The following PIEZO2 variants were observed in gnomAD, a reference collection of about 807,000 sequenced individuals.
The protein encoded by PIEZO2 is piezo-type mechanosensitive ion channel component 2.
In PIEZO2, 172 loss-of-function variants were observed where a neutral mutation model predicts 337.3. The observed-to-expected ratio is 0.51, with a 90% CI of 0.45 to 0.58. The LOEUF is 0.58. PIEZO2 is among the 20% of genes least tolerant of loss of function. The pLI is 0.00. For synonymous variants in PIEZO2, 1,251 were observed against 1,228.5 expected, an observed-to-expected ratio of 1.02 and a Z score of -0.38; for missense variants, 3,028 against 3,391.3, an observed-to-expected ratio of 0.89 and a Z score of 2.66.
At chr18:10,860,775 T>G (rs2041851271) in intron 5 of PIEZO2, among the ~76,000 whole-genome samples, 1 of 152,250 alleles carries the variant, frequency 6.6e-6, no homozygotes, top group South Asian at 2.1e-4. Flanking sequence ...CGGATGTAGA[T>G]TAAATCAAAT....
In PIEZO2 at chr18:10,794,812, C is replaced by G. The variant is rs1363735070; in HGVS notation, c.1718G>C (p.Gly573Ala). The G allele has an allele frequency of 4.6e-6, 7 of 1,536,004 alleles. No homozygotes were observed. The South Asian group carries it at 8.4e-5, about 18-fold the overall frequency. The change falls in exon 13 of 56, where the codon GGA (glycine) becomes GCA (alanine). Residue 573 changes from glycine to alanine, a missense_variant. By Grantham distance (60) the Gly-to-Ala change is moderately conservative (BLOSUM62 0). Around this residue, in one of 5 missense-constraint regions of PIEZO2, gnomAD observed 1,925 missense variants for 2,051.9 expected, o/e 0.94. Transcript: ENST00000674853. This position sits in a 1 kb window ranked among gnomAD's most constrained non-coding sequence, Gnocchi z 6.6. ...TCCTGGCTCTTTCTTTTCTAAAAAT[C>G]CTGGAACTTTTTTAATTTCAGGAAG... ...FELPEIKKVPGFLEKKEPGEL... is the reference protein window; with the variant it reads ...FELPEIKKVPAFLEKKEPGEL...
rs992845869 is a variant in PIEZO2 at position 11,129,954 on chromosome 18, T to C, written c.64+18571A>G. On this transcript the variant is annotated intron_variant, in intron 1 of 55. Transcript: ENST00000674853. The surrounding 1 kb of genome is among the most constrained non-coding windows in gnomAD (Gnocchi z 4.6). ...CCAATGCCAGAATGCATAATTGACA[T>C]AGACATACTCAGCAGCTGGCAGAAC... is the stretch of plus-strand genomic sequence containing the variant. Among the ~76,000 whole-genome samples the C allele has an allele frequency of 7.2e-5, 11 of 152,132 alleles. No individual in the cohort carries two copies. The highest frequency in any genetic ancestry group is 1.9e-4 in the African/African-American group (8 of 41,442).
chr18:10,701,461 G>C (rs557100806), intron 43 of PIEZO2, among the ~76,000 whole-genome samples: 1 of 152,276 alleles, frequency 6.6e-6, no homozygotes, highest in African/African-American at 2.4e-5. Context: ...GGTTTTACTG[G>C]GCAACTTTAA....
intron 2 of PIEZO2, among the ~76,000 whole-genome samples, chr18:10,986,593 T>C (rs2034880299): frequency 6.6e-6 from 1 of 151,902 alleles, no homozygotes; most frequent in Non-Finnish European, 1.5e-5. Context: ...ACGAAAACCA[T>C]ATATTATAAT....
intron 2 of PIEZO2, among the ~76,000 whole-genome samples, chr18:11,030,775 A>G (rs968105353): frequency 6.6e-6 from 1 of 152,214 alleles, no homozygotes; most frequent in African/African-American, 2.4e-5. Context: ...TTGAGACGGC[A>G]AAGTGCATCT....
At position 10,870,927 on chromosome 18, in the gene PIEZO2, C is replaced by T. The variant is rs923095369; in HGVS notation, c.492+326G>A. On this transcript the variant is annotated intron_variant, in intron 5 of 55. Coordinates refer to ENST00000674853, the MANE Select transcript of PIEZO2 (RefSeq NM_001378183.1). The surrounding 1 kb of genome is among the most constrained non-coding windows in gnomAD (Gnocchi z 5.3). ...TTCTGCAATAACTAAGGTACCCAGA[C>T]CAATTGAACCATAACACTATGTATG... Among the ~76,000 whole-genome samples the T allele has an allele frequency of 1.3e-5, 2 of 152,026 alleles. No homozygotes were observed. The highest frequency in any genetic ancestry group is 2.9e-5 in the Non-Finnish European group (2 of 68,022).
In PIEZO2 at chr18:10,724,396, C is replaced by T. The variant is rs1188195408; in HGVS notation, c.5030-6137G>A. Among the ~76,000 whole-genome samples the T allele has an allele frequency of 2.0e-5, 3 of 152,142 alleles. No individual in the cohort carries two copies. The highest frequency in any genetic ancestry group is 4.8e-5 in the African/African-American group (2 of 41,440). The stretch of plus-strand genomic sequence containing the variant: ...CGAAAACAAAAGTGCTTTCTCCTGG[C>T]CCAGCATACTTGGGTGAAGTCTGCT... On this transcript the variant is annotated intron_variant, in intron 36 of 55. Coordinates refer to ENST00000674853, the MANE Select transcript of PIEZO2 (RefSeq NM_001378183.1). This position sits in a 1 kb window ranked among gnomAD's most constrained non-coding sequence, Gnocchi z 5.8.
intron 2 of PIEZO2, among the ~76,000 whole-genome samples, chr18:11,013,116 C>T (rs989356843): frequency 3.3e-5 from 5 of 152,134 alleles, no homozygotes; most frequent in African/African-American, 1.2e-4. Flanking sequence ...TTCCCAGAAC[C>T]TGTGAATATG....
At position 10,727,574 on chromosome 18, in the gene PIEZO2, G is replaced by A. The variant is rs1317817609; in HGVS notation, c.5029+3833C>T. On this transcript the variant is annotated intron_variant, in intron 36 of 55. Transcript: ENST00000674853. This position sits in a 1 kb window ranked among gnomAD's most constrained non-coding sequence, Gnocchi z 6.3. ...CAGCTCCTGAAGGTTCCATGGCAGGGAACAAGACACTCCTTCTGGAAGGCA... is the reference window on the plus strand; with the variant it reads ...CAGCTCCTGAAGGTTCCATGGCAGGAAACAAGACACTCCTTCTGGAAGGCA... 1 of 152,610 alleles carries A rather than the reference G, an allele frequency of 6.6e-6. No individual in the cohort carries two copies. The highest frequency in any genetic ancestry group is 1.5e-5 in the Non-Finnish European group (1 of 68,508). 9.5% of individuals were successfully genotyped at this position (152,610 alleles called of 1,614,324 possible). A position where few individuals can be genotyped will look rare whatever the true frequency, so the allele number is the denominator to read the frequency against.
rs150098039 is a variant in PIEZO2 at position 10,957,748 on chromosome 18, A to T, written c.286+21787T>A. ...AAAGACAACCCATGCATTGAAAGAA[A>T]ATATTTGCAAATCATACATCTGAAA... On this transcript the variant is annotated intron_variant, in intron 3 of 55. Coordinates refer to ENST00000674853, the MANE Select transcript of PIEZO2 (RefSeq NM_001378183.1). Among the ~76,000 whole-genome samples, 248 of 152,366 alleles carry T rather than the reference A, an allele frequency of 1.6e-3. 1 individual carries two copies. The highest frequency in any genetic ancestry group is 5.4e-3 in the African/African-American group (224 of 41,588).
intron 1 of PIEZO2, among the ~76,000 whole-genome samples, chr18:11,118,146 T>C (rs916781571): frequency 7.2e-5 from 11 of 152,192 alleles, no homozygotes; most frequent in African/African-American, 2.4e-4. Flanking sequence ...CTTGTGTAAA[T>C]GATTCCTCAG....
At chr18:10,745,572 CT>C (rs1301894234) in intron 30 of PIEZO2, among the ~76,000 whole-genome samples, 1 of 152,156 alleles carries the variant, frequency 6.6e-6, no homozygotes, top group East Asian at 1.9e-4. Flanking sequence ...ATGTGATGGA[CT>C]TCCACTTGGA....
At chr18:10,782,320 A>G (rs1261084289) in intron 17 of PIEZO2, among the ~76,000 whole-genome samples, 1 of 96,098 alleles carries the variant, frequency 1.0e-5, no homozygotes, top group African/African-American at 4.5e-5. Flanking sequence ...TATATAATAT[A>G]TTATAATTAT....
rs1015878983 is a variant in PIEZO2 at position 11,131,572 on chromosome 18, G to T, written c.64+16953C>A. Among the ~76,000 whole-genome samples, 4 of 152,238 alleles carry T rather than the reference G, an allele frequency of 2.6e-5. No homozygotes were observed. The highest frequency in any genetic ancestry group is 2.6e-4 in the Admixed American group (4 of 15,280). ...TGAAGGGAAATCTTCCCAGTGGGCA[G>T]AACTTCGAGCCATGCACCTGGCTGT... is the stretch of plus-strand genomic sequence containing the variant. On this transcript the variant is annotated intron_variant, in intron 1 of 55. Transcript: ENST00000674853. This position sits in a 1 kb window ranked among gnomAD's most constrained non-coding sequence, Gnocchi z 5.3.
intron 4 of PIEZO2, among the ~76,000 whole-genome samples, chr18:10,885,049 T>A (rs755769476): frequency 1.4e-4 from 22 of 152,048 alleles, no homozygotes; most frequent in Non-Finnish European, 3.1e-4. Context: ...CTGTGTATCT[T>A]AGGAGAGGCT....
chr18:11,066,188 G>A lies in PIEZO2; in HGVS notation c.99C>T (p.Val33=). Residue 33 remains valine, a synonymous_variant, in exon 2 of 56, where the codon GTC becomes GTT. Coordinates refer to ENST00000674853, the MANE Select transcript of PIEZO2 (RefSeq NM_001378183.1). The part of the protein sequence containing the change: ...CAFRYNGLSF[V]YLIYLLLIPL... The stretch of plus-strand genomic sequence containing the variant: ...GAATGAGCAAGAGGTAGATAAGGTA[G>A]ACAAAGGAGAGCCCATTGTATCGGA... 1 of 1,535,620 alleles carries A rather than the reference G, an allele frequency of 6.5e-7. No individual in the cohort carries two copies.
chr18:10,742,594 C>T lies in PIEZO2; in HGVS notation c.4536G>A (p.Arg1512=), dbSNP rs768054261. 3 of 1,537,108 alleles carry T rather than the reference C, an allele frequency of 2.0e-6. No homozygotes were observed. The highest frequency in any genetic ancestry group is 1.2e-5 in the South Asian group (1 of 84,052). The change falls in exon 32 of 56, where the codon AGG becomes AGA. Residue 1512 remains arginine, a synonymous_variant. Transcript: ENST00000674853. ...CCTTACCCTTTTTATATTTCTGTTGCCTGGCCTTGATGCGATCCATCCTAT... is the reference window on the plus strand; with the variant it reads ...CCTTACCCTTTTTATATTTCTGTTGTCTGGCCTTGATGCGATCCATCCTAT... ...LKRQMDRIKA[R]QQKYKKGKER...
chr18:11,099,069 G>A lies in PIEZO2; in HGVS notation c.65-32847C>T, dbSNP rs140225388. Among the ~76,000 whole-genome samples, 1 of 151,402 alleles carries A rather than the reference G, an allele frequency of 6.6e-6. No individual in the cohort carries two copies. Among genetic ancestry groups the A allele is most frequent in the Non-Finnish European group, 1.5e-5 (1 of 67,936 alleles). On this transcript the variant is annotated intron_variant, in intron 1 of 55. Coordinates refer to ENST00000674853, the MANE Select transcript of PIEZO2 (RefSeq NM_001378183.1). This position sits in a 1 kb window ranked among gnomAD's most constrained non-coding sequence, Gnocchi z 5.4. ...TCCTCTTGCCTCAGCCTCCCAAAGT[G>A]CTGGGATTACAGGCATCAGCCACTG...
At chr18:10,749,055 T>C (rs1342894771) in intron 29 of PIEZO2, among the ~76,000 whole-genome samples, 1 of 152,150 alleles carries the variant, frequency 6.6e-6, no homozygotes, top group Non-Finnish European at 1.5e-5. Flanking sequence ...GCATGGCTTA[T>C]TAGAAGGAGT....
Sources: allele counts gnomAD v4.1 joint callset (sites outside exome capture counted in the v4.1 genomes callset), GRCh38; gene constraint gnomAD v4.1.1; regional missense constraint gnomAD v4.1.1; non-coding constraint Gnocchi (gnomAD v3.1); transcripts MANE v1.5; gene names NCBI Gene and HGNC (gene_info 2026-07-23, HGNC 2026-07-21).